URB1: variants seen among roughly 807,000 people sequenced by gnomAD.
URB1 encodes nucleolar pre-ribosomal-associated protein 1.
Under a neutral mutation model 242.3 loss-of-function variants are expected in URB1, and 197 were observed. The ratio of observed to expected loss-of-function variants is 0.81; its 90% confidence interval spans 0.72 to 0.91. The LOEUF (loss-of-function observed/expected upper bound fraction) is 0.91, where lower values mean the gene tolerates loss of function less well. Ranked by LOEUF, URB1 falls within the 40% of genes least tolerant of loss-of-function variation. URB1 has a pLI of 0.00. For missense variants in URB1, 2,721 were observed against 2,860.5 expected (o/e 0.95, Z 1.11); for synonymous variants, 1,153 against 1,201.8 (o/e 0.96, Z 0.84).
At chr21:32,378,605 A>C in intron 4 of URB1, 64 bp from the exon 5 acceptor site, 1 of 1,366,226 alleles carries the variant, frequency 7.3e-7, no homozygotes, top group East Asian at 2.5e-5. Flanking sequence ...GGAATCAGCA[A>C]CACAGTGGCC....
intron 28 of URB1, among the ~76,000 whole-genome samples, chr21:32,336,766 T>C (rs1386286458): frequency 6.6e-6 from 1 of 152,198 alleles, no homozygotes; most frequent in African/African-American, 2.4e-5. Context: ...TAAGTCAATC[T>C]ACCTAAAGGC....
chr21:32,316,361 G>A, intron 38 of URB1, 105 bp downstream of exon 38: 1 of 1,424,384 alleles, frequency 7.0e-7, no homozygotes, highest in Non-Finnish European at 9.2e-7. Context: ...ACCCAGCTGA[G>A]GAAGTCAGCA....
chr21:32,360,441 T>G (rs1475367997), intron 13 of URB1, among the ~76,000 whole-genome samples: 1 of 152,240 alleles, frequency 6.6e-6, no homozygotes, highest in Non-Finnish European at 1.5e-5. Context: ...TTGCAGCTTT[T>G]GAAAAGGAGT....
At position 32,352,633 on chromosome 21, in the gene URB1, A is replaced by G. The variant is rs561883214; in HGVS notation, c.2613+77T>C. On this transcript the variant is annotated intron_variant, in intron 19 of 38. Transcript: ENST00000382751. Reference sequence around the variant, plus strand: ...AGGCTGTCTGGCTACCCAACTGCACAGCTGTGGCCCAGCCAGCTGGGACCC... The same window carrying G: ...AGGCTGTCTGGCTACCCAACTGCACGGCTGTGGCCCAGCCAGCTGGGACCC... 240 of 1,523,666 alleles carry G rather than the reference A, an allele frequency of 1.6e-4. 2 individuals carry two copies. The South Asian group carries it at 2.7e-3, about 17-fold the overall frequency. 94.4% of individuals were successfully genotyped at this position (1,523,666 alleles called of 1,614,324 possible).
At chr21:32,333,525 T>C in intron 29 of URB1, 106 bp from the exon 30 acceptor site, 1 of 889,740 alleles carries the variant, frequency 1.1e-6, no homozygotes, top group Non-Finnish European at 1.7e-6. Flanking sequence ...GTTTCAGATT[T>C]TGGAATATTT....
chr21:32,344,599 C>G lies in URB1; in HGVS notation c.4228G>C (p.Glu1410Gln), dbSNP rs1313319034. Residue 1410 changes from glutamate (E) to glutamine (Q), a missense_variant, in exon 24 of 39, where the codon GAA (glutamate) becomes CAA (glutamine). Glu to Gln is a conservative substitution (Grantham distance 29). Coordinates refer to ENST00000382751, the MANE Select transcript of URB1 (RefSeq NM_014825.3). ...AACGCATTTAATCTAAGCAGCATTT[C>G]CTTCTCCTGATTCTGAGTATTATCA... Reference protein sequence around the residue: ...DDDNTQNQEKEMLLRLNALLH... With the variant: ...DDDNTQNQEKQMLLRLNALLH... 1 of 1,552,364 alleles carries G rather than the reference C, an allele frequency of 6.4e-7. No homozygotes were observed. Among genetic ancestry groups the G allele is most frequent in the Admixed American group, 2.0e-5 (1 of 51,008 alleles).
At position 32,321,876 on chromosome 21, in the gene URB1, T is replaced by C. The variant is rs1259168134; in HGVS notation, c.5409A>G (p.Glu1803=). ...GGAAGATGCCACGCCGGGCACACAG[T>C]TCGTAGCACTGCTTGTCACGGATCC... ...RQGIRDKQCY[E]LCARRGIFHI... is the part of the protein sequence containing the mutation. The change falls in exon 34 of 39, where the codon GAA becomes GAG. Residue 1803 remains glutamate (E), a synonymous_variant. Transcript: ENST00000382751. The C allele has an allele frequency of 6.4e-7, 1 of 1,551,494 alleles. No homozygotes were observed. The highest frequency in any genetic ancestry group is 1.4e-5 in the African/African-American group (1 of 73,008).
At position 32,337,110 on chromosome 21, in the gene URB1, T is replaced by C. The variant is rs1912262518; in HGVS notation, c.4669A>G (p.Ser1557Gly). 1.3e-6 allele frequency: 2 copies of C among 1,551,774 alleles called. No homozygotes were observed. The highest frequency in any genetic ancestry group is 1.7e-6 in the Non-Finnish European group (2 of 1,147,030). Residue 1557 changes from serine (S) to glycine (G), a missense_variant, in exon 28 of 39, where the codon AGC (serine) becomes GGC (glycine). Physicochemically the swap from Ser to Gly is moderately conservative, Grantham distance 56. Coordinates refer to ENST00000382751, the MANE Select transcript of URB1 (RefSeq NM_014825.3). The part of the protein sequence containing the change: ...LLRAYEQNKL[S>G]LINFRVLLWG... ...AACACTCACCTGAAGTTGATGAGGC[T>C]GAGCTTGTTCTGCTCATACGCTCGA...
intron 26 of URB1, 151 bp downstream of exon 26, chr21:32,338,556 G>C: frequency 1.1e-6 from 1 of 909,168 alleles, no homozygotes; most frequent in Non-Finnish European, 1.7e-6. Flanking sequence ...CTTCACCCTG[G>C]ATTTGACAGA....
intron 5 of URB1, among the ~76,000 whole-genome samples, chr21:32,377,572 A>T (rs1275357022): frequency 6.6e-6 from 1 of 152,084 alleles, no homozygotes; most frequent in Admixed American, 6.5e-5. Flanking sequence ...TGCAGAGACC[A>T]CATCTCCACT....
intron 35 of URB1, among the ~76,000 whole-genome samples, chr21:32,319,993 A>T (rs1181757801): frequency 1.3e-5 from 2 of 152,176 alleles, no homozygotes; most frequent in African/African-American, 2.4e-5. Flanking sequence ...ATCTTTTCAG[A>T]CAGTCTCAAA....
intron 1 of URB1, 43 bp downstream of exon 1, chr21:32,392,726 C>T: frequency 7.3e-7 from 1 of 1,377,778 alleles, no homozygotes; most frequent in Non-Finnish European, 9.4e-7. Context: ...GGCCGCCTCG[C>T]CAGCCTGTGC....
Position 32,312,059 on chromosome 21 carries a change from G to A in URB1, c.*2859C>T, listed in dbSNP as rs1038830867. On this transcript the variant is annotated 3_prime_UTR_variant, in exon 39 of 39. Transcript: ENST00000382751. Reference sequence around the variant, plus strand: ...AAATCAAGCCAACCTGGACACATACGTTCCTCGTTCTTCTTAGAGGCCATT... The same window carrying A: ...AAATCAAGCCAACCTGGACACATACATTCCTCGTTCTTCTTAGAGGCCATT... 6.3e-5 allele frequency: 101 copies of A among 1,608,026 alleles called. No individual in the cohort carries two copies. The highest frequency in any genetic ancestry group is 7.5e-5 in the Non-Finnish European group (88 of 1,179,902).
intron 26 of URB1, among the ~76,000 whole-genome samples, chr21:32,337,972 T>G (rs191234492): frequency 1.3e-5 from 2 of 152,228 alleles, no homozygotes; most frequent in Non-Finnish European, 2.9e-5. Context: ...ATGACTGTGC[T>G]ACCAAAGCCT....
chr21:32,357,541 A>G lies in URB1; in HGVS notation c.1985T>C (p.Met662Thr), dbSNP rs777107315. 7.3e-6 allele frequency: 11 copies of G among 1,511,014 alleles called. No individual in the cohort carries two copies. Among genetic ancestry groups the G allele is most frequent in the East Asian group, 5.1e-5 (2 of 39,186 alleles). 93.6% of individuals were successfully genotyped at this position (1,511,014 alleles called of 1,614,324 possible). Residue 662 changes from methionine (M) to threonine (T), a missense_variant, in exon 15 of 39, where the codon ATG becomes ACG. Coordinates refer to ENST00000382751, the MANE Select transcript of URB1 (RefSeq NM_014825.3). ...QLKSLTKLLI[M>T]KILRDTGVFE... ...AAACTGGTAGAAAATGCTCACCTTC[A>G]TGATCAGAAGTTTGGTCAATGACTT...
intron 36 of URB1, among the ~76,000 whole-genome samples, chr21:32,318,136 C>A: frequency 6.6e-6 from 1 of 152,190 alleles, no homozygotes; most frequent in East Asian, 1.9e-4. Flanking sequence ...TGGAGTCTGA[C>A]CTGCACCCCA....
chr21:32,341,608 A>G, intron 24 of URB1, 84 bp from the exon 25 acceptor site: 1 of 1,288,618 alleles, frequency 7.8e-7, no homozygotes, highest in African/African-American at 1.5e-5. Context: ...AGCCTTCAGA[A>G]AGGCATCTGC....
At chr21:32,328,575 A>G (rs1191516105) in intron 30 of URB1, among the ~76,000 whole-genome samples, 1 of 152,262 alleles carries the variant, frequency 6.6e-6, no homozygotes, top group Admixed American at 6.5e-5. Flanking sequence ...ACACCTACAT[A>G]AGTACATAAC....
chr21:32,330,957 T>A lies in URB1; in HGVS notation c.4960+2360A>T, dbSNP rs561458332. ...CTCTATGATATCCTAGCCTCTTTGATCTTTTTAAAAGGGATACAAAGGGCA... is the reference window on the plus strand; with the variant it reads ...CTCTATGATATCCTAGCCTCTTTGAACTTTTTAAAAGGGATACAAAGGGCA... On this transcript the variant is annotated intron_variant, in intron 30 of 38. Transcript: ENST00000382751. Among the ~76,000 whole-genome samples, 88 of 152,330 alleles carry A rather than the reference T, an allele frequency of 5.8e-4. 1 individual carries two copies. The highest frequency in any genetic ancestry group is 6.8e-3 in the Middle Eastern group (2 of 294).
Sources: allele counts gnomAD v4.1 joint callset (sites outside exome capture counted in the v4.1 genomes callset), GRCh38; gene constraint gnomAD v4.1.1; transcripts MANE v1.5; gene names NCBI Gene and HGNC (gene_info 2026-07-23, HGNC 2026-07-21).